CHLSN: variants seen among roughly 807,000 people sequenced by gnomAD.
CHLSN encodes the protein protein cholesin.
At chr7:1,041,002 G>A in the CHLSN span, among the ~76,000 whole-genome samples, 1 of 152,232 alleles carries the variant, frequency 6.6e-6, no homozygotes, top group African/African-American at 2.4e-5. Flanking sequence ...CCAGAGGCTC[G>A]GCAGTATGCT....
the CHLSN span, among the ~76,000 whole-genome samples, chr7:1,120,456 C>T: frequency 6.6e-6 from 1 of 152,176 alleles, no homozygotes; most frequent in South Asian, 2.1e-4. Flanking sequence ...CATGCCTGGC[C>T]AATTTTTGTA....
At chr7:1,075,852 A>T in the CHLSN span, 17 of 151,886 alleles carry the variant, frequency 1.1e-4, no homozygotes, top group African/African-American at 4.1e-4. Flanking sequence ...CGCCCACCTC[A>T]GCCTCCCAAA....
the CHLSN span, among the ~76,000 whole-genome samples, chr7:979,017 T>A: frequency 1.3e-5 from 2 of 152,194 alleles, no homozygotes. Flanking sequence ...TACGAGCTGC[T>A]GGGCTTCCCC....
At chr7:990,735 T>C in the CHLSN span, among the ~76,000 whole-genome samples, 1 of 152,070 alleles carries the variant, frequency 6.6e-6, no homozygotes, top group African/African-American at 2.4e-5. Flanking sequence ...CTGGCTTCAC[T>C]ATTCTCCCCT....
the CHLSN span, among the ~76,000 whole-genome samples, chr7:1,080,433 C>T: frequency 4.6e-5 from 7 of 152,304 alleles, no homozygotes; most frequent in South Asian, 2.1e-4. Flanking sequence ...CAGCCAGGCT[C>T]GGAGGCTGCA....
chr7:1,090,968 C>CGA, the CHLSN span, among the ~76,000 whole-genome samples: 1 of 138,954 alleles, frequency 7.2e-6, no homozygotes, highest in South Asian at 2.2e-4. Context: ...CTTTCTGGAC[C>CGA]CACTCTCTCT....
chr7:1,101,332 G>C, the CHLSN span, among the ~76,000 whole-genome samples: 7,129 of 152,130 alleles, frequency 0.047, 443 homozygotes, highest in African/African-American at 0.14. Context: ...CCAGGTACTG[G>C]GGTGGACTCC....
At chr7:1,026,990 A>C in the CHLSN span, 3 of 152,198 alleles carry the variant, frequency 2.0e-5, no homozygotes, top group African/African-American at 7.2e-5. Flanking sequence ...CCCCGAGGTC[A>C]CCTGGGCCCG....
chr7:1,054,428 A>G, the CHLSN span, among the ~76,000 whole-genome samples: 1 of 152,176 alleles, frequency 6.6e-6, no homozygotes, highest in Non-Finnish European at 1.5e-5. Context: ...TTCCACCTGA[A>G]CCCCACCTGG....
the CHLSN span, among the ~76,000 whole-genome samples, chr7:1,052,376 G>A: frequency 1.3e-5 from 2 of 152,238 alleles, no homozygotes; most frequent in Non-Finnish European, 2.9e-5. The surrounding 1 kb of genome is among the most constrained non-coding windows in gnomAD (Gnocchi z 4.2). Flanking sequence ...TGGCACCGAC[G>A]TGGGCCTGGG....
At chr7:1,055,547 GGA>G in the CHLSN span, 9 of 426,170 alleles carry the variant, frequency 2.1e-5, no homozygotes, top group Non-Finnish European at 3.8e-5. Context: ...AGTACAGGCA[GGA>G]GAGGGGACGT....
chr7:1,016,165 A>G, the CHLSN span, among the ~76,000 whole-genome samples: 20 of 66,748 alleles, frequency 3.0e-4, 1 homozygote, highest in Admixed American at 4.8e-4. Context: ...GCCAGCACAC[A>G]GCAGCACACA....
At chr7:987,030 C>T in the CHLSN span, 1 of 1,426,216 alleles carries the variant, frequency 7.0e-7, no homozygotes, top group South Asian at 1.5e-5. Flanking sequence ...CATAGTGGAG[C>T]CCAGGGCTGG....
chr7:991,250 C>G, the CHLSN span, among the ~76,000 whole-genome samples: 2 of 152,104 alleles, frequency 1.3e-5, no homozygotes, highest in Non-Finnish European at 2.9e-5. Flanking sequence ...TAAACATAAC[C>G]CCAACCCCAA....
chr7:1,008,830 C>T, the CHLSN span, among the ~76,000 whole-genome samples: 5 of 143,070 alleles, frequency 3.5e-5, no homozygotes, highest in South Asian at 1.1e-3. Flanking sequence ...ATATACACAA[C>T]GTGTATACAC....
At chr7:1,057,633 G>C in the CHLSN span, 1 of 770,326 alleles carries the variant, frequency 1.3e-6, no homozygotes, top group Non-Finnish European at 2.4e-6. Context: ...GGGCGTGCCA[G>C]TGGGCCTGTG....
the CHLSN span, chr7:988,340 G>A: frequency 1.9e-6 from 3 of 1,612,558 alleles, no homozygotes; most frequent in Non-Finnish European, 2.5e-6. Flanking sequence ...GCAGACCCCA[G>A]GCCAGTTCAA....
the CHLSN span, among the ~76,000 whole-genome samples, chr7:1,110,906 T>A: frequency 0.51 from 77,372 of 151,762 alleles, 20,216 homozygotes; most frequent in African/African-American, 0.6. Context: ...ACCGTAATCT[T>A]AGAAGCTGAA....
At chr7:1,136,673 CTATA>C in the CHLSN span, among the ~76,000 whole-genome samples, 37 of 147,444 alleles carry the variant, frequency 2.5e-4, no homozygotes, top group South Asian at 1.5e-3. Flanking sequence ...ATATATATAA[CTATA>C]TATATAACCA....
Sources: allele counts gnomAD v4.1 joint callset (sites outside exome capture counted in the v4.1 genomes callset), GRCh38; gene constraint gnomAD v4.1.1; non-coding constraint Gnocchi (gnomAD v3.1); transcripts MANE v1.5; gene names NCBI Gene and HGNC (gene_info 2026-07-23, HGNC 2026-07-21).